Variants in ELOVL7 observed in about 807,000 individuals in gnomAD.
The protein encoded by ELOVL7 is ELOVL fatty acid elongase 7.
In ELOVL7, 27 loss-of-function variants were observed where a neutral mutation model predicts 35.7. That is an observed-to-expected ratio of 0.76 (90% CI 0.56 to 1.04). ELOVL7 has a LOEUF of 1.04. Ranked by LOEUF, ELOVL7 falls within the 50% of genes least tolerant of loss-of-function variation. The pLI, the probability that ELOVL7 is intolerant of heterozygous loss-of-function variation, is 0.00. For synonymous variants in ELOVL7, 113 were observed against 114.6 expected (o/e 0.99, Z 0.09); for missense variants, 327 against 340.8 (o/e 0.96, Z 0.32).
chr5:60,763,990 T>G (rs1275162288), intron 7 of ELOVL7, among the ~76,000 whole-genome samples: 1 of 152,052 alleles, frequency 6.6e-6, no homozygotes, highest in East Asian at 1.9e-4. Context: ...ACAAAACAAC[T>G]AAAGAATATG....
At position 60,752,227 on chromosome 5, in the gene ELOVL7, T is replaced by G. The variant is rs751521827; in HGVS notation, c.*2397A>C. 6.6e-6 allele frequency: 1 copy of G among 152,484 alleles called. No individual in the cohort carries two copies. The highest frequency in any genetic ancestry group is 1.5e-5 in the Non-Finnish European group (1 of 68,036). 9.4% of individuals were successfully genotyped at this position (152,484 alleles called of 1,614,324 possible). On this transcript the variant is annotated 3_prime_UTR_variant, in exon 9 of 9. Coordinates refer to ENST00000508821, the MANE Select transcript of ELOVL7 (RefSeq NM_024930.3). ...AAAATCATTTTGATCCACAATCATG[T>G]TGATGTTTCTATGGAGGATACTTCT...
At chr5:60,778,934 A>AC (rs1476272390) in intron 3 of ELOVL7, among the ~76,000 whole-genome samples, 1 of 152,170 alleles carries the variant, frequency 6.6e-6, no homozygotes, top group African/African-American at 2.4e-5. Context: ...GCATAAATAT[A>AC]CCCATTCCAA....
At chr5:60,763,380 T>C (rs1411273830) in intron 7 of ELOVL7, among the ~76,000 whole-genome samples, 2 of 152,178 alleles carry the variant, frequency 1.3e-5, no homozygotes, top group Non-Finnish European at 2.9e-5. Flanking sequence ...CAAGAGTTCC[T>C]CAATTGTGGT....
intron 3 of ELOVL7, among the ~76,000 whole-genome samples, chr5:60,781,669 C>CA (rs1482106749): frequency 6.6e-6 from 1 of 152,110 alleles, no homozygotes; most frequent in Non-Finnish European, 1.5e-5. Context: ...TTATGGGAAA[C>CA]ACTGGTTAAT....
Sources: allele counts gnomAD v4.1 joint callset (sites outside exome capture counted in the v4.1 genomes callset), GRCh38; gene constraint gnomAD v4.1.1; transcripts MANE v1.5; gene names NCBI Gene and HGNC (gene_info 2026-07-23, HGNC 2026-07-21).